ABHD18: variants seen among roughly 807,000 people sequenced by gnomAD.
ABHD18 encodes the protein cardiolipin-specific deacylase, mitochondrial.
A neutral mutation model predicts 65.9 loss-of-function variants in ABHD18; 55 were observed. That is an observed-to-expected ratio of 0.84 (90% CI 0.67 to 1.05). The LOEUF is 1.05. Among genes scored for constraint, ABHD18 ranks in the 50% least tolerant of loss-of-function variants. The pLI, the probability that ABHD18 is intolerant of heterozygous loss-of-function variation, is 0.00. For synonymous variants in ABHD18, 181 were observed against 180.2 expected, an observed-to-expected ratio of 1.00 and a Z score of -0.04; for missense variants, 533 against 558.5, an observed-to-expected ratio of 0.95 and a Z score of 0.46.
intron 8 of ABHD18, 41 bp from the exon 9 acceptor site, chr4:128,020,039 T>C (rs747389849): frequency 1.5e-6 from 2 of 1,319,148 alleles, no homozygotes; most frequent in Non-Finnish European, 2.1e-6. Context: ...TTTTAATGAA[T>C]AGAAACTCTA....
intron 1 of ABHD18, among the ~76,000 whole-genome samples, chr4:127,971,222 T>C (rs1393921866): frequency 7.3e-6 from 1 of 137,874 alleles, no homozygotes; most frequent in African/African-American, 2.8e-5. Flanking sequence ...CCACTCGCAC[T>C]CAAGCCTGGG....
At chr4:128,011,479 G>GT (rs33994912) in intron 6 of ABHD18, among the ~76,000 whole-genome samples, 194 bp from the exon 7 acceptor site, 49,588 of 140,970 alleles carry the variant, frequency 0.35, 9,427 homozygotes, top group Middle Eastern at 0.46. Flanking sequence ...AGTAAAGCTG[G>GT]TTTTTTTTTT....
At chr4:128,002,880 G>T (rs1244440138) in intron 4 of ABHD18, among the ~76,000 whole-genome samples, 1 of 151,140 alleles carries the variant, frequency 6.6e-6, no homozygotes, top group Non-Finnish European at 1.5e-5. Context: ...CTGACCTCAG[G>T]TGATCCACCT....
At chr4:128,035,472 C>G (rs936573257) in intron 12 of ABHD18, among the ~76,000 whole-genome samples, 1 of 152,002 alleles carries the variant, frequency 6.6e-6, no homozygotes, top group African/African-American at 2.4e-5. Context: ...ACTTGGGAGG[C>G]TGAGGCATGA....
intron 12 of ABHD18, chr4:128,031,000 T>A (rs1229276336): frequency 9.6e-7 from 1 of 1,046,336 alleles, no homozygotes; most frequent in Non-Finnish European, 1.1e-6. Flanking sequence ...CATCAAGAGT[T>A]TTTTCACTCT....
At chr4:127,973,430 A>G (rs1747238574) in intron 1 of ABHD18, among the ~76,000 whole-genome samples, 1 of 151,984 alleles carries the variant, frequency 6.6e-6, no homozygotes, top group African/African-American at 2.4e-5. Flanking sequence ...AGTAAGTAAC[A>G]CCTGTTATTG....
At chr4:128,029,856 C>T (rs1579471175) in intron 11 of ABHD18, among the ~76,000 whole-genome samples, 1 of 151,656 alleles carries the variant, frequency 6.6e-6, no homozygotes. Flanking sequence ...GGTGTGGTGG[C>T]ATATGCTTAT....
chr4:127,999,399 T>C (rs1752299111), intron 4 of ABHD18, among the ~76,000 whole-genome samples: 1 of 152,104 alleles, frequency 6.6e-6, no homozygotes, highest in South Asian at 2.1e-4. Flanking sequence ...AAAAACAGGA[T>C]TTTTTACTCT....
intron 6 of ABHD18, 54 bp from the exon 7 acceptor site, chr4:128,011,619 A>T: frequency 7.0e-7 from 1 of 1,425,694 alleles, no homozygotes. Context: ...GTACTCTCAG[A>T]CAAACAAAAT....
intron 6 of ABHD18, among the ~76,000 whole-genome samples, chr4:128,011,231 T>C (rs1343383188): frequency 6.6e-6 from 1 of 151,220 alleles, no homozygotes; most frequent in African/African-American, 2.4e-5. Flanking sequence ...CACTGCAGGC[T>C]CCGCCCCCCA....
intron 4 of ABHD18, among the ~76,000 whole-genome samples, chr4:127,997,685 G>C (rs1751962348): frequency 6.6e-6 from 1 of 152,220 alleles, no homozygotes; most frequent in Non-Finnish European, 1.5e-5. Flanking sequence ...CCTGGCGGCA[G>C]TAGGCAACTA....
chr4:127,979,538 A>G lies in ABHD18; in HGVS notation c.-17-3401A>G, dbSNP rs115630077. ...CCACTGCACTCTAGCGTGGGCGACAATGCGAGACTCTGTCTCAAAACAAAA... is the reference window on the plus strand; with the variant it reads ...CCACTGCACTCTAGCGTGGGCGACAGTGCGAGACTCTGTCTCAAAACAAAA... On this transcript the variant is annotated intron_variant, in intron 1 of 12. Transcript: ENST00000645843. 5.2e-3 allele frequency among the ~76,000 whole-genome samples: 785 copies of G among 151,370 alleles called. 8 individuals carry two copies. Among genetic ancestry groups the G allele is most frequent in the African/African-American group, 0.018 (757 of 41,282 alleles).
At chr4:128,029,590 A>G (rs991287170) in intron 11 of ABHD18, among the ~76,000 whole-genome samples, 18 of 152,178 alleles carry the variant, frequency 1.2e-4, no homozygotes, top group African/African-American at 4.3e-4. Flanking sequence ...TTGGGAGGCC[A>G]AGGCGGGTGG....
At chr4:127,973,062 G>C (rs1747157623) in intron 1 of ABHD18, among the ~76,000 whole-genome samples, 1 of 152,052 alleles carries the variant, frequency 6.6e-6, no homozygotes, top group Non-Finnish European at 1.5e-5. Flanking sequence ...CACCCAGGCT[G>C]GAGTGCGGTG....
chr4:128,001,592 ATG>A (rs1752637689), intron 4 of ABHD18: 1 of 878,276 alleles, frequency 1.1e-6, no homozygotes, highest in Non-Finnish European at 1.6e-6. Flanking sequence ...AGTTATTTAT[ATG>A]TAAAGATGCC....
rs1476687862 is a variant in ABHD18 at position 128,020,065 on chromosome 4, T to C, written c.610-15T>C. The C allele has an allele frequency of 4.5e-6, 7 of 1,564,880 alleles. No homozygotes were observed. Among genetic ancestry groups the C allele is most frequent in the Non-Finnish European group, 5.3e-6 (6 of 1,138,942 alleles). On this transcript the variant is annotated splice_polypyrimidine_tract_variant and intron_variant, in intron 8 of 12. Transcript: ENST00000645843. ...AGAAACTCTAAATAGACGCTCTCTA[T>C]CTGTTATATTACAGATGGCTTCCTT...
intron 8 of ABHD18, among the ~76,000 whole-genome samples, chr4:128,018,636 A>G (rs1177213317): frequency 6.6e-6 from 1 of 151,894 alleles, no homozygotes; most frequent in Non-Finnish European, 1.5e-5. Context: ...CAGAAGCGAG[A>G]TTCTATCTCA....
Position 128,039,155 on chromosome 4 carries a change from A to G in ABHD18, c.*3342A>G, listed in dbSNP as rs1239111224. On this transcript the variant is annotated 3_prime_UTR_variant, in exon 13 of 13. Coordinates refer to ENST00000645843, the MANE Select transcript of ABHD18 (RefSeq NM_001358451.3). Reference sequence around the variant, plus strand: ...TATACACACATATGCATATATATATATATATATATATATATATATATATAT... The same window carrying G: ...TATACACACATATGCATATATATATGTATATATATATATATATATATATAT... 4.8e-4 allele frequency: 37 copies of G among 76,794 alleles called. No individual in the cohort carries two copies. The highest frequency in any genetic ancestry group is 1.8e-3 in the African/African-American group (37 of 20,458). The allele number at this position is 76,794 out of a possible 1,614,324, so 4.8% of individuals were successfully genotyped here.
chr4:127,977,387 G>A (rs1748156119), intron 1 of ABHD18, among the ~76,000 whole-genome samples: 1 of 152,228 alleles, frequency 6.6e-6, no homozygotes, highest in Non-Finnish European at 1.5e-5. Flanking sequence ...CAGGAAAATG[G>A]CTTGAACCTG....
Sources: gnomAD v4.1 joint callset for allele counts (sites outside exome capture counted in the v4.1 genomes callset) on GRCh38, gnomAD v4.1.1 for gene constraint, MANE v1.5 for transcripts, NCBI Gene and HGNC (gene_info 2026-07-23, HGNC 2026-07-21) for gene names.